SOD2: variants seen among roughly 807,000 people sequenced by gnomAD.
SOD2 encodes the protein superoxide dismutase 2.
In SOD2, 11 loss-of-function variants were observed where a neutral mutation model predicts 27.0. The observed-to-expected ratio is 0.41, with a 90% CI of 0.26 to 0.67. SOD2 has a LOEUF of 0.67. SOD2 is among the 30% of genes least tolerant of loss of function. SOD2 has a pLI of 0.34. For missense variants in SOD2, 250 were observed against 274.5 expected, an observed-to-expected ratio of 0.91 and a Z score of 0.63; for synonymous variants, 105 against 103.0, an observed-to-expected ratio of 1.02 and a Z score of -0.12.
rs1408064612 is a variant in SOD2, at chr6:159,711,997, CTCCATA to C, written c.-116+15126_-116+15131del. On this transcript the variant is annotated intron_variant, in intron 1 of 2. Coordinates refer to the SOD2 transcript ENST00000401980. ...TAACCACCACTCACACTGCTCAGAC[CTCCATA>C]ACCACCTCCATAACCACCACTCACA... 2.4e-5 allele frequency among the ~76,000 whole-genome samples: 2 copies of C among 84,492 alleles called. 1 individual carries two copies. Among genetic ancestry groups the C allele is most frequent in the Non-Finnish European group, 4.9e-5 (2 of 40,920 alleles). The allele number at this position is 84,492 out of a possible 152,430, so 55.4% of individuals were successfully genotyped here. A position where few individuals can be genotyped will look rare whatever the true frequency, so the allele number is the denominator to read the frequency against.
chr6:159,688,303 C>T (rs905715793), intron 2 of SOD2, 61 bp from the exon 3 acceptor site: 10 of 961,438 alleles, frequency 1.0e-5, no homozygotes, highest in Non-Finnish European at 1.5e-5. Flanking sequence ...CCACTGTATA[C>T]ATTATATTTT....
chr6:159,696,297 C>G (rs574007551), upstream of SOD2, among the ~76,000 whole-genome samples: 2 of 152,120 alleles, frequency 1.3e-5, no homozygotes, highest in Non-Finnish European at 2.9e-5. Flanking sequence ...AAAGTCTGGG[C>G]TCCCACTGTC....
intron 1 of SOD2, chr6:159,736,127 TA>T (rs1334508065): frequency 2.1e-6 from 2 of 941,108 alleles, no homozygotes; most frequent in Non-Finnish European, 3.2e-6. Flanking sequence ...TAAAATTGTT[TA>T]TTTAAATTCT....
At chr6:159,727,287 C>T (rs879590081) in exon 1 of SOD2, 3 of 1,280,062 alleles carry the variant, frequency 2.3e-6, no homozygotes, top group Non-Finnish European at 3.0e-6. Flanking sequence ...TGGCGGGGTT[C>T]GGCGGCGGGC....
chr6:159,753,502 C>A (rs1353716699), intron 1 of SOD2: 2 of 1,614,152 alleles, frequency 1.2e-6, no homozygotes, highest in Non-Finnish European at 1.7e-6. Context: ...GAATGCTTAT[C>A]CAGGAGAATC....
intron 1 of SOD2, among the ~76,000 whole-genome samples, chr6:159,725,099 C>G (rs927824651): frequency 1.1e-4 from 17 of 152,254 alleles, no homozygotes; most frequent in African/African-American, 3.1e-4. Context: ...TGTATATGCT[C>G]GCAGAAGGTC....
At chr6:159,727,009 C>T in intron 1 of SOD2, 3 of 1,248,884 alleles carry the variant, frequency 2.4e-6, no homozygotes, top group Non-Finnish European at 3.1e-6. Flanking sequence ...TCCCTCCGCA[C>T]GAGGCAGCCC....
chr6:159,672,176 T>C lies in SOD2; in HGVS notation c.*10317A>G, dbSNP rs1017105105. 3 of 152,144 alleles carry C rather than the reference T, an allele frequency of 2.0e-5. No homozygotes were observed. The highest frequency in any genetic ancestry group is 7.2e-5 in the African/African-American group (3 of 41,432). 9.4% of individuals were successfully genotyped at this position (152,144 alleles called of 1,614,324 possible). A position where few individuals can be genotyped will look rare whatever the true frequency, so the allele number is the denominator to read the frequency against. On this transcript the variant is annotated 3_prime_UTR_variant, in exon 5 of 5. Transcript: ENST00000538183. ...AAGCTGGAAAACACTCTGCAGGATA[T>C]TATCCAGGAGAACTTCCCCAATCTA... is the stretch of plus-strand genomic sequence containing the variant.
rs41267775 is a variant in SOD2, at chr6:159,682,243, G to A, written c.*250C>T. The A allele has an allele frequency of 6.4e-6, 2 of 314,306 alleles. No homozygotes were observed. Among genetic ancestry groups the A allele is most frequent in the East Asian group, 5.8e-5 (1 of 17,214 alleles). The allele number at this position is 314,306 out of a possible 1,614,324, so 19.5% of individuals were successfully genotyped here. A position where few individuals can be genotyped will look rare whatever the true frequency, so the allele number is the denominator to read the frequency against. On this transcript the variant is annotated 3_prime_UTR_variant, in exon 5 of 5. Transcript: ENST00000538183. ...TTTGATGGTTTTATAAATGACAATTGTAATTTAGCTCTCTGAAGAAAATGT... is the reference window on the plus strand; with the variant it reads ...TTTGATGGTTTTATAAATGACAATTATAATTTAGCTCTCTGAAGAAAATGT...
chr6:159,758,584 G>A (rs1041459247), intron 1 of SOD2, among the ~76,000 whole-genome samples: 2 of 152,020 alleles, frequency 1.3e-5, no homozygotes, highest in Non-Finnish European at 2.9e-5. Context: ...CACTGTCTTG[G>A]GAGTTCACCT....
chr6:159,697,726 G>A (rs986432541), upstream of SOD2, among the ~76,000 whole-genome samples: 1 of 152,216 alleles, frequency 6.6e-6, no homozygotes, highest in African/African-American at 2.4e-5. Flanking sequence ...CCTGCTGTAA[G>A]CAAAGACAGT....
chr6:159,705,323 G>A (rs143339906), intron 1 of SOD2, among the ~76,000 whole-genome samples: 2,357 of 152,254 alleles, frequency 0.015, 70 homozygotes, highest in African/African-American at 0.053. Context: ...AAACTTCTCC[G>A]AGCTAAAGAA....
At chr6:159,725,481 A>C in intron 1 of SOD2, 1 of 150,972 alleles carries the variant, frequency 6.6e-6, no homozygotes, top group Non-Finnish European at 1.5e-5. Flanking sequence ...ACTGTCTCAA[A>C]AAAAAAAAAA....
chr6:159,727,611 T>C, upstream of SOD2: 1 of 986,188 alleles, frequency 1.0e-6, no homozygotes, highest in African/African-American at 1.7e-5. Flanking sequence ...GCTGTCCGGC[T>C]GCGCGGTGGC....
chr6:159,718,482 A>AT (rs1382165646), intron 1 of SOD2, among the ~76,000 whole-genome samples: 2 of 152,324 alleles, frequency 1.3e-5, no homozygotes, highest in East Asian at 3.9e-4. Context: ...CTACTGAATT[A>AT]TTTTTTAAAA....
chr6:159,727,745 C>T, upstream of SOD2: 2 of 984,068 alleles, frequency 2.0e-6, no homozygotes, highest in Non-Finnish European at 2.4e-6. Flanking sequence ...CGGGGGACCT[C>T]CGGGGCCTGA....
At chr6:159,720,371 T>G (rs1165557306) in intron 1 of SOD2, 1 of 152,166 alleles carries the variant, frequency 6.6e-6, no homozygotes, top group African/African-American at 2.4e-5. Context: ...TTTAATACAG[T>G]AATATGTAAA....
At chr6:159,719,615 C>T (rs1777990221) in intron 1 of SOD2, among the ~76,000 whole-genome samples, 1 of 135,504 alleles carries the variant, frequency 7.4e-6, no homozygotes, top group Admixed American at 7.6e-5. Flanking sequence ...AACAGAGCAA[C>T]ACCCTTTCTC....
intron 1 of SOD2, chr6:159,741,748 G>A (rs1779268454): frequency 5.4e-6 from 1 of 185,310 alleles, no homozygotes; most frequent in Admixed American, 6.1e-5. Flanking sequence ...AGCAGTTTGG[G>A]AGGCCAGGGT....
Sources: allele counts gnomAD v4.1 joint callset (sites outside exome capture counted in the v4.1 genomes callset), GRCh38; gene constraint gnomAD v4.1.1; transcripts MANE v1.5; gene names NCBI Gene and HGNC (gene_info 2026-07-23, HGNC 2026-07-21).